NCOR2: variants seen among roughly 807,000 people sequenced by gnomAD.
NCOR2 encodes CTG repeat protein 26.
Under a neutral mutation model 262.9 loss-of-function variants are expected in NCOR2, and 81 were observed. That is an observed-to-expected ratio of 0.31 (90% CI 0.26 to 0.37). NCOR2 has a LOEUF of 0.37. Among genes scored for constraint, NCOR2 ranks in the 10% least tolerant of loss-of-function variants. The probability of loss-of-function intolerance (pLI) is 1.00; values close to 1 mark genes in which losing one functional copy is unlikely to be tolerated. For missense variants in NCOR2, 3,385 were observed against 3,621.4 expected, an observed-to-expected ratio of 0.93 and a Z score of 1.68; for synonymous variants, 1,659 against 1,559.3, an observed-to-expected ratio of 1.06 and a Z score of -1.51.
chr12:124,431,417 CA>C (rs2043920746), intron 8 of NCOR2, among the ~76,000 whole-genome samples: 1 of 150,584 alleles, frequency 6.6e-6, no homozygotes, highest in African/African-American at 2.5e-5. Flanking sequence ...GGCAGACAGA[CA>C]GACAGACACA....
At chr12:124,333,987 T>TGCATGTGTGTGTGTGC (rs1388665211) in intron 41 of NCOR2, among the ~76,000 whole-genome samples, 10 of 150,022 alleles carry the variant, frequency 6.7e-5, no homozygotes, top group Non-Finnish European at 1.5e-4. Flanking sequence ...TGTGCGGGTG[T>TGCATGTGTGTGTGTGC]GCATGTGTGT....
At chr12:124,550,330 G>T (rs2051676122) in intron 1 of NCOR2, among the ~76,000 whole-genome samples, 1 of 152,018 alleles carries the variant, frequency 6.6e-6, no homozygotes, top group South Asian at 2.1e-4. Flanking sequence ...CCCACCTAAT[G>T]GAAGGAAGGC....
chr12:124,453,753 G>A (rs899265670), intron 6 of NCOR2, among the ~76,000 whole-genome samples: 1 of 152,230 alleles, frequency 6.6e-6, no homozygotes, highest in East Asian at 1.9e-4. Flanking sequence ...GAGAGGTCGG[G>A]GCTGCTGGGC....
chr12:124,555,573 C>G (rs191443368), intron 1 of NCOR2, among the ~76,000 whole-genome samples: 45 of 152,344 alleles, frequency 3.0e-4, no homozygotes, highest in African/African-American at 1.1e-3. Context: ...GAAACGAGCA[C>G]AAAGTGACAG....
chr12:124,559,506 A>G (rs978659247), intron 1 of NCOR2, among the ~76,000 whole-genome samples: 1 of 152,066 alleles, frequency 6.6e-6, no homozygotes, highest in African/African-American at 2.4e-5. Flanking sequence ...TGGTTAAGAC[A>G]CTCCACAGGG....
intron 1 of NCOR2, among the ~76,000 whole-genome samples, chr12:124,520,026 A>G (rs1593952218): frequency 1.3e-5 from 2 of 152,260 alleles, no homozygotes; most frequent in African/African-American, 4.8e-5. Context: ...TGCCTGTGAC[A>G]GGGGCCCGTG....
intron 1 of NCOR2, among the ~76,000 whole-genome samples, chr12:124,554,729 G>A (rs761140252): frequency 2.6e-5 from 4 of 152,270 alleles, no homozygotes; most frequent in Non-Finnish European, 5.9e-5. Context: ...ACAGTTCCGG[G>A]AGGTGCCGCT....
At chr12:124,357,875 C>A (rs531534541) in intron 22 of NCOR2, among the ~76,000 whole-genome samples, 36 of 147,298 alleles carry the variant, frequency 2.4e-4, no homozygotes, top group Non-Finnish European at 4.5e-4. Context: ...TGCGCCTGTA[C>A]ACAATGTTGA....
intron 5 of NCOR2, among the ~76,000 whole-genome samples, chr12:124,464,270 C>A (rs934571808): frequency 6.6e-6 from 1 of 152,236 alleles, no homozygotes; most frequent in African/African-American, 2.4e-5. Flanking sequence ...GAGCTCCAGG[C>A]AGAGGGCCAA....
intron 7 of NCOR2, among the ~76,000 whole-genome samples, chr12:124,449,491 T>G (rs533383311): frequency 5.6e-4 from 86 of 152,306 alleles, no homozygotes; most frequent in African/African-American, 1.9e-3. Flanking sequence ...AACAGCTCCC[T>G]CCTGCTCGAA....
intron 22 of NCOR2, among the ~76,000 whole-genome samples, chr12:124,361,297 G>A (rs766820386): frequency 3.3e-5 from 5 of 152,180 alleles, no homozygotes; most frequent in Non-Finnish European, 7.3e-5. Flanking sequence ...AAGCGCCGGG[G>A]CTAGCCCAGG....
intron 17 of NCOR2, among the ~76,000 whole-genome samples, chr12:124,382,221 G>A (rs2040462754): frequency 6.6e-6 from 1 of 152,236 alleles, no homozygotes; most frequent in Admixed American, 6.5e-5. Context: ...CTCCTGGTGA[G>A]ACCTGCTTGC....
At chr12:124,384,195 C>G (rs1360151136) in intron 17 of NCOR2, among the ~76,000 whole-genome samples, 2 of 152,234 alleles carry the variant, frequency 1.3e-5, no homozygotes, top group Non-Finnish European at 2.9e-5. Flanking sequence ...GAATCAATGG[C>G]CCACAACATC....
intron 5 of NCOR2, among the ~76,000 whole-genome samples, chr12:124,463,884 C>T (rs1486967602): frequency 6.6e-6 from 1 of 151,900 alleles, no homozygotes; most frequent in Admixed American, 6.6e-5. Context: ...TGGCCACCCG[C>T]CTCCATCTCC....
At chr12:124,374,787 C>G (rs1369461700) in intron 18 of NCOR2, among the ~76,000 whole-genome samples, 2 of 152,242 alleles carry the variant, frequency 1.3e-5, no homozygotes, top group East Asian at 3.8e-4. Context: ...AGTCATCAGC[C>G]TCCTGGTGGA....
intron 6 of NCOR2, among the ~76,000 whole-genome samples, chr12:124,455,886 T>C (rs2045820386): frequency 6.6e-6 from 1 of 152,128 alleles, no homozygotes; most frequent in Non-Finnish European, 1.5e-5. Flanking sequence ...TCTGTTTCGT[T>C]TTTTTATGAG....
chr12:124,419,511 C>T (rs961281178), intron 13 of NCOR2, among the ~76,000 whole-genome samples: 4 of 152,246 alleles, frequency 2.6e-5, no homozygotes, highest in African/African-American at 9.6e-5. Flanking sequence ...AGCTGAAGTA[C>T]TGGCTATTTT....
intron 13 of NCOR2, among the ~76,000 whole-genome samples, chr12:124,415,520 G>T (rs1485039360): frequency 6.6e-6 from 1 of 152,212 alleles, no homozygotes; most frequent in Non-Finnish European, 1.5e-5. Context: ...GTGGGGGGTG[G>T]CAGGGCCCAG....
chr12:124,397,979 G>A, intron 16 of NCOR2, 140 bp downstream of exon 18: 1 of 955,048 alleles, frequency 1.0e-6, no homozygotes, highest in East Asian at 2.4e-5. Context: ...CCTGAGAACA[G>A]CCCAGAACCA....
Sources: gnomAD v4.1 joint callset for allele counts (sites outside exome capture counted in the v4.1 genomes callset) on GRCh38, gnomAD v4.1.1 for gene constraint, MANE v1.5 for transcripts, NCBI Gene and HGNC (gene_info 2026-07-23, HGNC 2026-07-21) for gene names.